Variants in COL22A1 observed in about 807,000 individuals in gnomAD.
The protein encoded by COL22A1 is collagen type XXII alpha 1 chain, also known as collagen alpha-1(XXII) chain.
A neutral mutation model predicts 248.9 loss-of-function variants in COL22A1; 221 were observed. That is an observed-to-expected ratio of 0.89 (90% CI 0.80 to 0.99). COL22A1 has a LOEUF of 0.99. COL22A1 is among the 50% of genes least tolerant of loss of function. The pLI is 0.00. For missense variants in COL22A1, 2,240 were observed against 2,179.0 expected, an observed-to-expected ratio of 1.03 and a Z score of -0.56; for synonymous variants, 891 against 793.4, an observed-to-expected ratio of 1.12 and a Z score of -2.07.
At chr8:138,829,882 CCT>C (rs1197428996) in intron 5 of COL22A1, among the ~76,000 whole-genome samples, 2 of 152,002 alleles carry the variant, frequency 1.3e-5, no homozygotes, top group Non-Finnish European at 2.9e-5. Context: ...TTTTTATTCC[CCT>C]GATTATAATA....
chr8:138,811,464 A>G (rs1464565010), intron 9 of COL22A1, among the ~76,000 whole-genome samples: 2 of 152,134 alleles, frequency 1.3e-5, no homozygotes, highest in Non-Finnish European at 2.9e-5. Flanking sequence ...AAGCACATAG[A>G]AATCCTCACT....
intron 1 of COL22A1, among the ~76,000 whole-genome samples, chr8:138,901,376 T>TTTTG (rs1474991843): frequency 1.5e-4 from 22 of 144,336 alleles, no homozygotes; most frequent in Non-Finnish European, 2.6e-4. Flanking sequence ...TTTGTTTTTT[T>TTTTG]TTTTTTTTGA....
intron 31 of COL22A1, among the ~76,000 whole-genome samples, chr8:138,701,146 G>A (rs535077488): frequency 6.6e-6 from 1 of 152,268 alleles, no homozygotes; most frequent in East Asian, 1.9e-4. Flanking sequence ...TAAATGTCGT[G>A]TCTTCACGGA....
intron 1 of COL22A1, among the ~76,000 whole-genome samples, chr8:138,898,975 T>C (rs1563902540): frequency 6.6e-6 from 1 of 152,184 alleles, no homozygotes; most frequent in Non-Finnish European, 1.5e-5. Context: ...TATTTCTATT[T>C]TTTCTTACTG....
intron 1 of COL22A1, among the ~76,000 whole-genome samples, chr8:138,894,079 A>G (rs1825238854): frequency 6.6e-6 from 1 of 152,248 alleles, no homozygotes; most frequent in African/African-American, 2.4e-5. Flanking sequence ...GATGCAGAAA[A>G]CAATGAAAAT....
intron 32 of COL22A1, among the ~76,000 whole-genome samples, chr8:138,696,294 A>G (rs1292130040): frequency 6.6e-6 from 1 of 152,152 alleles, no homozygotes; most frequent in Non-Finnish European, 1.5e-5. Flanking sequence ...TGCCACAGAT[A>G]AGCCCAAGGA....
intron 16 of COL22A1, among the ~76,000 whole-genome samples, chr8:138,773,232 A>G (rs1244373146): frequency 6.6e-6 from 1 of 152,176 alleles, no homozygotes; most frequent in Non-Finnish European, 1.5e-5. Flanking sequence ...TTCCCCTGAC[A>G]GGCTCAGCCC....
intron 5 of COL22A1, 42 bp from the exon 6 acceptor site, chr8:138,826,823 G>C (rs936980209): frequency 1.2e-6 from 2 of 1,608,562 alleles, no homozygotes; most frequent in African/African-American, 2.7e-5. Flanking sequence ...TTGGCGATGA[G>C]AGCAGGGAGC....
At chr8:138,659,010 A>T (rs1008273980) in intron 44 of COL22A1, among the ~76,000 whole-genome samples, 1 of 151,988 alleles carries the variant, frequency 6.6e-6, no homozygotes, top group Non-Finnish European at 1.5e-5. Flanking sequence ...TTGCAGGGAG[A>T]TGTCAAAGTC....
intron 27 of COL22A1, 56 bp from the exon 28 acceptor site, chr8:138,716,925 T>A: frequency 7.6e-7 from 1 of 1,322,740 alleles, no homozygotes; most frequent in Non-Finnish European, 1.1e-6. Flanking sequence ...AAGAGATGAC[T>A]GCCATTTCCC....
intron 10 of COL22A1, among the ~76,000 whole-genome samples, chr8:138,805,444 G>GGTGGTGTGGGATGGTGTC (rs1817456094): frequency 7.3e-6 from 1 of 136,218 alleles, no homozygotes; most frequent in Non-Finnish European, 1.5e-5. Context: ...GGGATGGTGT[G>GGTGGTGTGGGATGGTGTC]TGGTGTGTGT....
At chr8:138,811,276 C>T (rs71512396) in intron 9 of COL22A1, among the ~76,000 whole-genome samples, 104,287 of 145,754 alleles carry the variant, frequency 0.72, 37,236 homozygotes, top group Non-Finnish European at 0.77. Flanking sequence ...TATATATACA[C>T]ACACACACAC....
intron 31 of COL22A1, among the ~76,000 whole-genome samples, chr8:138,702,240 T>C (rs1053990723): frequency 3.3e-5 from 5 of 152,194 alleles, no homozygotes; most frequent in African/African-American, 1.2e-4. Flanking sequence ...GCCAATGCTG[T>C]AGGTTATCAA....
intron 31 of COL22A1, 23 bp downstream of exon 31, chr8:138,703,283 G>C: frequency 6.2e-7 from 1 of 1,605,718 alleles, no homozygotes. Context: ...AGAGGAGAAA[G>C]AATTAGAAGC....
chr8:138,726,380 C>T (rs1830310951), intron 23 of COL22A1, among the ~76,000 whole-genome samples: 2 of 151,496 alleles, frequency 1.3e-5, no homozygotes, highest in African/African-American at 4.9e-5. Flanking sequence ...GCCTGTAGTC[C>T]CAGCTACTCA....
intron 47 of COL22A1, among the ~76,000 whole-genome samples, chr8:138,644,168 G>A (rs1821996431): frequency 6.6e-6 from 1 of 152,180 alleles, no homozygotes; most frequent in Non-Finnish European, 1.5e-5. Flanking sequence ...ACAGGTATTT[G>A]ACACTGCTGG....
rs1246559525 is a variant in COL22A1 at position 138,740,693 on chromosome 8, C to T, written c.2086-3116G>A. Among the ~76,000 whole-genome samples the T allele has an allele frequency of 2.6e-5, 4 of 152,054 alleles. No individual in the cohort carries two copies. The East Asian group carries it at 7.7e-4, about 29-fold the overall frequency. ...AGAAACACATCTATGGAAGCAGACA[C>T]CATAAGCATTAGGTTTTCAGCAAGG... On this transcript the variant is annotated intron_variant, in intron 22 of 64. Coordinates refer to ENST00000303045, the MANE Select transcript of COL22A1 (RefSeq NM_152888.3).
chr8:138,809,991 A>T lies in COL22A1; in HGVS notation c.1449+1808T>A, dbSNP rs1196276410. On this transcript the variant is annotated intron_variant, in intron 9 of 64. Transcript: ENST00000303045. ...AACTTATGATTTTATGGAAGTAACG[A>T]TAAGGAGACATTTTCAATCTAATGT... is the stretch of plus-strand genomic sequence containing the variant. Among the ~76,000 whole-genome samples, 3 of 152,214 alleles carry T rather than the reference A, an allele frequency of 2.0e-5. No homozygotes were observed. The East Asian group carries it at 5.8e-4, about 29-fold the overall frequency.
intron 1 of COL22A1, among the ~76,000 whole-genome samples, chr8:138,890,435 T>G (rs1479284233): frequency 6.6e-6 from 1 of 152,114 alleles, no homozygotes; most frequent in African/African-American, 2.4e-5. Flanking sequence ...TAAAATTATC[T>G]CTATTTGCAG....
Sources: allele counts gnomAD v4.1 joint callset (sites outside exome capture counted in the v4.1 genomes callset), GRCh38; gene constraint gnomAD v4.1.1; transcripts MANE v1.5; gene names NCBI Gene and HGNC (gene_info 2026-07-23, HGNC 2026-07-21).